The following DST variants were observed in gnomAD, a reference collection of about 807,000 sequenced individuals.
The protein encoded by DST is dystonin.
In DST, 253 loss-of-function variants were observed where a neutral mutation model predicts 875.2. That is an observed-to-expected ratio of 0.29 (90% CI 0.26 to 0.32). DST has a LOEUF of 0.32. Among genes scored for constraint, DST ranks in the 10% least tolerant of loss-of-function variants. The pLI is 1.00. For missense variants in DST, 8,287 were observed against 9,111.6 expected (o/e 0.91, Z 3.68); for synonymous variants, 3,124 against 3,197.1 (o/e 0.98, Z 0.77).
Position 56,857,172 on chromosome 6 carries a change from G to A in DST, c.418-5568C>T, listed in dbSNP as rs114650928. ...GTCTACAGGCACATGCTACCACACC[G>A]GGCTAATTTTATTTTTTAATATTTT... On this transcript the variant is annotated intron_variant, in intron 3 of 103. Transcript: ENST00000680361. Among the ~76,000 whole-genome samples the A allele has an allele frequency of 2.4e-3, 365 of 151,902 alleles. 2 individuals carry two copies. Among genetic ancestry groups the A allele is most frequent in the African/African-American group, 8.0e-3 (331 of 41,448 alleles).
At chr6:56,927,404 T>C (rs1391946445) in intron 2 of DST, among the ~76,000 whole-genome samples, 1 of 152,172 alleles carries the variant, frequency 6.6e-6, no homozygotes, top group Non-Finnish European at 1.5e-5. Flanking sequence ...AAAGGTTTTA[T>C]AAAGCAAATA....
intron 60 of DST, among the ~76,000 whole-genome samples, chr6:56,554,115 C>T (rs953745370): frequency 5.8e-5 from 7 of 120,136 alleles, no homozygotes; most frequent in African/African-American, 2.3e-4. Flanking sequence ...GGCAGAGTCT[C>T]GCTCTGTCAC....
chr6:56,747,638 T>C (rs1340537613), intron 4 of DST, among the ~76,000 whole-genome samples: 1 of 152,218 alleles, frequency 6.6e-6, no homozygotes, highest in Admixed American at 6.5e-5. Context: ...ATCTGTAACA[T>C]GCTAACCTTA....
At chr6:56,535,902 A>G (rs2096987217) in intron 62 of DST, among the ~76,000 whole-genome samples, 1 of 152,236 alleles carries the variant, frequency 6.6e-6, no homozygotes, top group East Asian at 1.9e-4. Flanking sequence ...TGGACTGAAT[A>G]AAGTAGCTGG....
chr6:56,645,964 G>C lies in DST; in HGVS notation c.1680C>G (p.Leu560=), dbSNP rs1321324837. ...EIWIEFGRIK[L]LQGYHPNDIE... ...TGTCATTTGGATGATAACCTTGAAG[G>C]AGCTTGATGCGTCCAAATTCTATCC... The change falls in exon 15 of 104, where the codon CTC becomes CTG. Residue 560 remains leucine (L), a synonymous_variant. Transcript: ENST00000680361. The C allele has an allele frequency of 1.2e-6, 2 of 1,613,300 alleles. No individual in the cohort carries two copies. Among genetic ancestry groups the C allele is most frequent in the South Asian group, 2.2e-5 (2 of 90,896 alleles).
intron 2 of DST, among the ~76,000 whole-genome samples, chr6:56,912,898 A>T (rs1461364315): frequency 6.6e-6 from 1 of 152,192 alleles, no homozygotes; most frequent in Non-Finnish European, 1.5e-5. Flanking sequence ...AAAATTAGTT[A>T]TGTGCCAAGA....
chr6:56,656,100 C>G (rs1188879269), intron 10 of DST, among the ~76,000 whole-genome samples: 3 of 152,198 alleles, frequency 2.0e-5, no homozygotes, highest in Admixed American at 2.0e-4. Context: ...CTTTTCTTTT[C>G]ACTAATTTCT....
At chr6:56,807,162 C>T (rs1268406712) in intron 4 of DST, among the ~76,000 whole-genome samples, 1 of 152,148 alleles carries the variant, frequency 6.6e-6, no homozygotes, top group Non-Finnish European at 1.5e-5. Flanking sequence ...GCAGTCCCCC[C>T]ATGTCAGCCT....
At chr6:56,824,658 AC>A (rs1417861522) in intron 4 of DST, among the ~76,000 whole-genome samples, 1 of 149,820 alleles carries the variant, frequency 6.7e-6, no homozygotes, top group Non-Finnish European at 1.5e-5. Flanking sequence ...ACCGGCCGCG[AC>A]CCCGTCTGGG....
At chr6:56,475,787 G>A (rs1041731613) in intron 92 of DST, among the ~76,000 whole-genome samples, 2 of 152,186 alleles carry the variant, frequency 1.3e-5, no homozygotes, top group African/African-American at 4.8e-5. Flanking sequence ...GGAGGTGGAG[G>A]TGGGTGAGAT....
intron 2 of DST, among the ~76,000 whole-genome samples, chr6:56,903,961 T>C (rs1052607366): frequency 9.2e-5 from 14 of 152,326 alleles, no homozygotes; most frequent in African/African-American, 3.4e-4. Context: ...TAATACTGCC[T>C]TTGTCACTTC....
intron 89 of DST, 91 bp downstream of exon 89, chr6:56,482,592 C>G (rs529345951): frequency 1.5e-6 from 2 of 1,319,714 alleles, no homozygotes; most frequent in African/African-American, 2.9e-5. Flanking sequence ...GATTGAGACA[C>G]GAGGGCCTCA....
chr6:56,466,018 C>A (rs1296939219), intron 99 of DST, 60 bp downstream of exon 99: 5 of 1,352,782 alleles, frequency 3.7e-6, no homozygotes, highest in African/African-American at 1.4e-5. Flanking sequence ...TGTTTTGGTG[C>A]TGGATATAAT....
At chr6:56,816,666 G>A (rs78421949) in intron 4 of DST, among the ~76,000 whole-genome samples, 6,212 of 152,206 alleles carry the variant, frequency 0.041, 202 homozygotes, top group Non-Finnish European at 0.066. Context: ...CCCCTATCGC[G>A]TGCAGGACTG....
intron 59 of DST, among the ~76,000 whole-genome samples, chr6:56,556,705 T>C (rs899137323): frequency 3.9e-5 from 6 of 152,218 alleles, no homozygotes; most frequent in South Asian, 2.1e-4. Context: ...TCTGCTATTA[T>C]GCCTGACTGT....
At chr6:56,931,070 G>A (rs1809963729) in intron 2 of DST, among the ~76,000 whole-genome samples, 1 of 152,194 alleles carries the variant, frequency 6.6e-6, no homozygotes, top group African/African-American at 2.4e-5. Flanking sequence ...TTAGGTTGAT[G>A]TGATAATCTC....
chr6:56,547,471 AC>A (rs2097250970), intron 61 of DST, among the ~76,000 whole-genome samples: 1 of 152,042 alleles, frequency 6.6e-6, no homozygotes, highest in South Asian at 2.1e-4. Flanking sequence ...GGAACATGCA[AC>A]CCCTTTGCTA....
chr6:56,617,365 T>C (rs140016179), intron 36 of DST: 2 of 1,613,970 alleles, frequency 1.2e-6, no homozygotes, highest in Non-Finnish European at 8.5e-7. Context: ...GGTTCTTTTC[T>C]TGTTTTAATG....
intron 35 of DST, 120 bp from the exon 36 acceptor site, chr6:56,624,748 C>T (rs778254114): frequency 2.7e-5 from 19 of 708,556 alleles, no homozygotes; most frequent in Admixed American, 6.3e-5. Flanking sequence ...ACAACTCCCC[C>T]CATAATAAAT....
Sources: allele counts gnomAD v4.1 joint callset (sites outside exome capture counted in the v4.1 genomes callset), GRCh38; gene constraint gnomAD v4.1.1; transcripts MANE v1.5; gene names NCBI Gene and HGNC (gene_info 2026-07-23, HGNC 2026-07-21).